PPHLN1: variants seen among roughly 807,000 people sequenced by gnomAD.
PPHLN1 encodes the protein periphilin 1, also known as periphilin-1.
A neutral mutation model predicts 51.3 loss-of-function variants in PPHLN1; 29 were observed. The observed-to-expected ratio is 0.57, with a 90% confidence interval of 0.42 to 0.77. The LOEUF (loss-of-function observed/expected upper bound fraction) is 0.77. PPHLN1 is among the 30% of genes least tolerant of loss of function. The pLI is 0.00. For synonymous variants in PPHLN1, 147 were observed against 147.8 expected (o/e 0.99, Z 0.04); for missense variants, 436 against 438.4 (o/e 0.99, Z 0.05).
At chr12:42,352,092 G>A in intron 3 of PPHLN1, 43 bp downstream of exon 3, 1 of 1,363,684 alleles carries the variant, frequency 7.3e-7, no homozygotes, top group Non-Finnish European at 9.5e-7. Flanking sequence ...TTTCTTATAA[G>A]TTTAAAATTA....
intron 4 of PPHLN1, chr12:42,359,564 C>CT (rs1212550524): frequency 2.6e-5 from 4 of 152,202 alleles, no homozygotes; most frequent in Non-Finnish European, 4.4e-5. Context: ...TGCCTGGCAT[C>CT]TATCTGGCTT....
chr12:42,429,882 C>T (rs1016914972), intron 9 of PPHLN1, among the ~76,000 whole-genome samples: 1 of 152,200 alleles, frequency 6.6e-6, no homozygotes, highest in Non-Finnish European at 1.5e-5. Context: ...CACCTGGATT[C>T]TATAATTAAG....
chr12:42,439,391 C>T lies in PPHLN1; in HGVS notation c.910-1924C>T, dbSNP rs80007957. ...TGCTCTGTTTTAAAAGATCAGTTCA[C>T]TGTATTTGTATGGGTCTGTATCTGG... On this transcript the variant is annotated intron_variant, in intron 9 of 9. Coordinates refer to ENST00000358314, the MANE Select transcript of PPHLN1 (RefSeq NM_201439.2). 9.0e-3 allele frequency among the ~76,000 whole-genome samples: 1,368 copies of T among 152,342 alleles called. 34 individuals carry two copies. Among genetic ancestry groups the T allele is most frequent in the African/African-American group, 0.031 (1,278 of 41,578 alleles).
chr12:42,332,810 A>G, intron 1 of PPHLN1: 1 of 562,594 alleles, frequency 1.8e-6, no homozygotes, highest in Non-Finnish European at 2.9e-6. Context: ...TTTCTTTAGA[A>G]CTCTTATTGT....
chr12:42,409,162 G>C (rs1054017338), intron 9 of PPHLN1, among the ~76,000 whole-genome samples: 3 of 152,066 alleles, frequency 2.0e-5, no homozygotes. Context: ...TGGATTACTG[G>C]AACTATGGAA....
chr12:42,437,620 T>C (rs2082596351), intron 9 of PPHLN1, among the ~76,000 whole-genome samples: 1 of 152,188 alleles, frequency 6.6e-6, no homozygotes, highest in Admixed American at 6.5e-5. Context: ...TCCCCTATTA[T>C]TAACATTTTG....
At chr12:42,346,392 C>A (rs929924964) in intron 2 of PPHLN1, among the ~76,000 whole-genome samples, 2 of 151,862 alleles carry the variant, frequency 1.3e-5, no homozygotes, top group Non-Finnish European at 2.9e-5. Flanking sequence ...CGGGTATATC[C>A]ATGTGTTGTA....
intron 4 of PPHLN1, among the ~76,000 whole-genome samples, chr12:42,368,179 A>T (rs946910190): frequency 3.9e-5 from 6 of 152,180 alleles, no homozygotes; most frequent in Admixed American, 3.9e-4. Flanking sequence ...GTATTTTGAT[A>T]CAAAATGGCT....
chr12:42,357,443 G>T (rs964231159), intron 4 of PPHLN1, among the ~76,000 whole-genome samples: 4 of 152,142 alleles, frequency 2.6e-5, no homozygotes, highest in African/African-American at 9.7e-5. Context: ...AACAGAATCT[G>T]CAAATAAACC....
downstream of PPHLN1, chr12:42,444,966 C>T (rs2083225826): frequency 1.9e-5 from 13 of 681,300 alleles, no homozygotes; most frequent in Non-Finnish European, 3.2e-5. Flanking sequence ...GGTTGGAGCC[C>T]TAATATTGGC....
downstream of PPHLN1, chr12:42,445,057 C>G (rs542126324): frequency 1.0e-5 from 7 of 702,364 alleles, no homozygotes; most frequent in African/African-American, 1.2e-4. Flanking sequence ...AACCTTGAAA[C>G]AGCCCTCATT....
At chr12:42,364,684 CCCGAGGTGGGTGG>C (rs2075075723) in intron 4 of PPHLN1, among the ~76,000 whole-genome samples, 1 of 151,938 alleles carries the variant, frequency 6.6e-6, no homozygotes, top group African/African-American at 2.4e-5. Flanking sequence ...ACTTTGGGAG[CCCGAGGTGGGTGG>C]ATCACCTGAG....
intron 8 of PPHLN1, among the ~76,000 whole-genome samples, chr12:42,395,245 C>T (rs2078094445): frequency 6.6e-6 from 1 of 151,908 alleles, no homozygotes; most frequent in Non-Finnish European, 1.5e-5. Context: ...TAAAAAAAAT[C>T]TGTAAGTTGA....
At chr12:42,415,005 C>G (rs761565875) in intron 9 of PPHLN1, among the ~76,000 whole-genome samples, 27 of 152,114 alleles carry the variant, frequency 1.8e-4, no homozygotes, top group Non-Finnish European at 3.2e-4. Context: ...CTGACTCTTA[C>G]TCGTGGTAGC....
At position 42,365,002 on chromosome 12, in the gene PPHLN1, A is replaced by C. The variant is rs142806896; in HGVS notation, c.299+9780A>C. On this transcript the variant is annotated intron_variant, in intron 4 of 9. Transcript: ENST00000358314. ...CTTTCGTTTGTTCTACTTTTTCTAG[A>C]ATGCTTTTAACTGTAAACATGTGAT... Among the ~76,000 whole-genome samples the C allele has an allele frequency of 4.5e-4, 69 of 152,282 alleles. No homozygotes were observed. The South Asian group carries it at 5.6e-3, about 12-fold the overall frequency.
At chr12:42,371,636 A>G (rs766666320) in intron 4 of PPHLN1, among the ~76,000 whole-genome samples, 6 of 152,212 alleles carry the variant, frequency 3.9e-5, no homozygotes, top group Non-Finnish European at 8.8e-5. Context: ...TATGCTGTCC[A>G]ATATGGGAGC....
rs60131845 is a variant in PPHLN1 at position 42,396,615 on chromosome 12, C to CAAAAAAAAAAAAAAAAAA, written c.769-2223_769-2206dup. Among the ~76,000 whole-genome samples, 6 of 85,494 alleles carry CAAAAAAAAAAAAAAAAAA rather than the reference C, an allele frequency of 7.0e-5. 2 individuals carry two copies. The highest frequency in any genetic ancestry group is 4.3e-4 in the East Asian group (1 of 2,328). 56.1% of individuals were successfully genotyped at this position (85,494 alleles called of 152,430 possible). On this transcript the variant is annotated intron_variant, in intron 8 of 9. Transcript: ENST00000358314. ...GCAATGTAGTAAGGTCTTGTCACTACAAAAAAAAAAAAAAAAAAAAAAAAA... is the reference window on the plus strand; with the variant it reads ...GCAATGTAGTAAGGTCTTGTCACTACAAAAAAAAAAAAAAAAAAAAAAAAAAAAAAAAAAAAAAAAAAA...
At chr12:42,369,364 T>G (rs910178214) in intron 4 of PPHLN1, among the ~76,000 whole-genome samples, 1 of 152,214 alleles carries the variant, frequency 6.6e-6, no homozygotes, top group African/African-American at 2.4e-5. Context: ...TTTTAAACTC[T>G]TAGAGACATG....
intron 9 of PPHLN1, among the ~76,000 whole-genome samples, chr12:42,440,508 A>G (rs561899407): frequency 3.9e-5 from 6 of 152,288 alleles, no homozygotes; most frequent in East Asian, 1.9e-4. Flanking sequence ...TATTATTTCA[A>G]ATTTAAGGTT....
Sources: gnomAD v4.1 joint callset for allele counts (sites outside exome capture counted in the v4.1 genomes callset) on GRCh38, gnomAD v4.1.1 for gene constraint, MANE v1.5 for transcripts, NCBI Gene and HGNC (gene_info 2026-07-23, HGNC 2026-07-21) for gene names.